ZNF804B: variants seen among roughly 807,000 people sequenced by gnomAD.
The protein encoded by ZNF804B is zinc finger protein 804B.
In ZNF804B, 80 loss-of-function variants were observed where a neutral mutation model predicts 101.4. The ratio of observed to expected loss-of-function variants is 0.79; its 90% CI spans 0.66 to 0.95. ZNF804B has a LOEUF of 0.95. Ranked by LOEUF, ZNF804B falls within the 40% of genes least tolerant of loss-of-function variation. The pLI is 0.00. For missense variants in ZNF804B, 1,673 were observed against 1,561.9 expected, an observed-to-expected ratio of 1.07 and a Z score of -1.20; for synonymous variants, 622 against 558.8, an observed-to-expected ratio of 1.11 and a Z score of -1.59.
chr7:88,989,897 T>A (rs1275224983), intron 1 of ZNF804B, among the ~76,000 whole-genome samples: 1 of 152,044 alleles, frequency 6.6e-6, no homozygotes, highest in East Asian at 1.9e-4. Context: ...GTGTTATTTA[T>A]ATCATCTTTC....
At chr7:89,327,884 C>T (rs555338722) in intron 3 of ZNF804B, among the ~76,000 whole-genome samples, 6 of 151,998 alleles carry the variant, frequency 3.9e-5, no homozygotes, top group East Asian at 3.9e-4. Flanking sequence ...ACAAATAACA[C>T]GATCATTGTC....
rs1387058120 is a variant in ZNF804B, at chr7:89,333,793, A to G, written c.811A>G (p.Lys271Glu). ...GTGCAAGTGCTGCAGGTTTGCAAAT[A>G]AAGATACACACCTTACCAAGGAAAA... is the stretch of plus-strand genomic sequence containing the variant. ...DKCKCCRFAN[K>E]DTHLTKEKEV... Residue 271 changes from lysine (K) to glutamate (E), a missense_variant, in exon 4 of 4, where the codon AAA becomes GAA. Transcript: ENST00000333190. The G allele has an allele frequency of 2.5e-6, 4 of 1,613,422 alleles. No individual in the cohort carries two copies. The highest frequency in any genetic ancestry group is 3.4e-6 in the Non-Finnish European group (4 of 1,179,758).
intron 1 of ZNF804B, among the ~76,000 whole-genome samples, chr7:89,088,448 T>A (rs1307962436): frequency 1.3e-5 from 2 of 151,820 alleles, no homozygotes; most frequent in Non-Finnish European, 2.9e-5. Flanking sequence ...TTTTTCTCAC[T>A]TTTGAAAATG....
chr7:89,201,936 A>T (rs921352522), intron 1 of ZNF804B, among the ~76,000 whole-genome samples: 4 of 152,072 alleles, frequency 2.6e-5, no homozygotes, highest in Admixed American at 2.0e-4. Flanking sequence ...CCAGAGCAGC[A>T]TGACTATTTC....
chr7:89,327,262 A>G, intron 2 of ZNF804B, 82 bp from the exon 3 acceptor site: 2 of 1,356,822 alleles, frequency 1.5e-6, no homozygotes, highest in South Asian at 3.0e-5. Flanking sequence ...CACTTAGGAT[A>G]AAGAATAATA....
chr7:88,854,140 CT>C (rs1328205653), intron 1 of ZNF804B, among the ~76,000 whole-genome samples: 1 of 151,972 alleles, frequency 6.6e-6, no homozygotes, highest in Non-Finnish European at 1.5e-5. Context: ...AATAGCTAAC[CT>C]TTGTTTATTT....
chr7:88,790,792 G>A (rs1790369090), intron 1 of ZNF804B, among the ~76,000 whole-genome samples: 1 of 151,794 alleles, frequency 6.6e-6, no homozygotes, highest in Non-Finnish European at 1.5e-5. Flanking sequence ...AACTTTCATT[G>A]AGTTAAGAAT....
chr7:88,947,579 T>C (rs1035453884), intron 1 of ZNF804B, among the ~76,000 whole-genome samples: 1 of 151,722 alleles, frequency 6.6e-6, no homozygotes, highest in African/African-American at 2.4e-5. Context: ...AGATGACAGG[T>C]TGATGGGTGC....
At chr7:89,174,281 A>G (rs115460239) in intron 1 of ZNF804B, among the ~76,000 whole-genome samples, 2 of 151,606 alleles carry the variant, frequency 1.3e-5, no homozygotes, top group African/African-American at 4.8e-5. Flanking sequence ...CCATCCTTCT[A>G]CTCTCCATCT....
intron 1 of ZNF804B, among the ~76,000 whole-genome samples, chr7:89,195,258 A>C: frequency 6.7e-6 from 1 of 148,646 alleles, no homozygotes. Flanking sequence ...AACTGGAAGC[A>C]TTCCCTTTGA....
chr7:89,316,449 G>A (rs801821), intron 2 of ZNF804B, among the ~76,000 whole-genome samples: 5,728 of 151,962 alleles, frequency 0.038, 164 homozygotes, highest in African/African-American at 0.073. Flanking sequence ...AAATATACCC[G>A]GGGTCCCCAA....
chr7:89,280,233 A>G (rs1018538721), intron 2 of ZNF804B, among the ~76,000 whole-genome samples: 76 of 152,110 alleles, frequency 5.0e-4, no homozygotes, highest in African/African-American at 1.8e-3. Context: ...ACAACATACC[A>G]GAATCTCTGG....
chr7:88,793,062 A>T (rs939819971), intron 1 of ZNF804B, among the ~76,000 whole-genome samples: 50 of 152,202 alleles, frequency 3.3e-4, no homozygotes, highest in African/African-American at 1.2e-3. Flanking sequence ...AAAATAATAA[A>T]AAATAAAACT....
At chr7:88,855,805 T>C (rs1191891436) in intron 1 of ZNF804B, among the ~76,000 whole-genome samples, 1 of 152,222 alleles carries the variant, frequency 6.6e-6, no homozygotes, top group Non-Finnish European at 1.5e-5. Context: ...AGGGATCCAG[T>C]TTCAGCTTTC....
At chr7:89,026,141 T>C (rs571053862) in intron 1 of ZNF804B, among the ~76,000 whole-genome samples, 52 of 152,272 alleles carry the variant, frequency 3.4e-4, no homozygotes, top group African/African-American at 1.1e-3. Context: ...GGTAATTTAA[T>C]AGCAGGCAAG....
rs1042964169 is a variant in ZNF804B at position 89,122,814 on chromosome 7, A to G, written c.109-95341A>G. Among the ~76,000 whole-genome samples the G allele has an allele frequency of 6.6e-5, 10 of 152,262 alleles. No individual in the cohort carries two copies. In the East Asian group the frequency reaches 1.7e-3, roughly 26 times the overall value. Reference sequence around the variant, plus strand: ...GTGTCTTACCTTCATACAAATTTACATTATTGTGCCTTGGTTTATTTTCTC... The same window carrying G: ...GTGTCTTACCTTCATACAAATTTACGTTATTGTGCCTTGGTTTATTTTCTC... On this transcript the variant is annotated intron_variant, in intron 1 of 3. Coordinates refer to ENST00000333190, the MANE Select transcript of ZNF804B (RefSeq NM_181646.5).
chr7:88,896,326 G>A (rs1370019663), intron 1 of ZNF804B, among the ~76,000 whole-genome samples: 1 of 152,080 alleles, frequency 6.6e-6, no homozygotes, highest in African/African-American at 2.4e-5. Context: ...GAAGTACAAA[G>A]GAACTCATTG....
intron 1 of ZNF804B, among the ~76,000 whole-genome samples, chr7:88,987,467 AT>A (rs1793774097): frequency 2.0e-5 from 3 of 152,040 alleles, no homozygotes; most frequent in African/African-American, 7.2e-5. Context: ...CTCTTTTCAT[AT>A]TTACATTTTA....
Position 89,083,862 on chromosome 7 carries a change from T to C in ZNF804B, c.109-134293T>C, listed in dbSNP as rs142585548. Among the ~76,000 whole-genome samples, 55 of 152,050 alleles carry C rather than the reference T, an allele frequency of 3.6e-4. 2 individuals carry two copies. The East Asian group carries it at 8.9e-3, about 25-fold the overall frequency. On this transcript the variant is annotated intron_variant, in intron 1 of 3. Coordinates refer to ENST00000333190, the MANE Select transcript of ZNF804B (RefSeq NM_181646.5). ...CGATATAACCAAATGGCTCCAAATA[T>C]ACTTCAGATATGAGTAGGACCCATT... is the stretch of plus-strand genomic sequence containing the variant.
Sources: allele counts gnomAD v4.1 joint callset (sites outside exome capture counted in the v4.1 genomes callset), GRCh38; gene constraint gnomAD v4.1.1; transcripts MANE v1.5; gene names NCBI Gene and HGNC (gene_info 2026-07-23, HGNC 2026-07-21).